The following TBCD variants were observed in gnomAD, a reference collection of about 807,000 sequenced individuals.
The protein encoded by TBCD is tubulin folding cofactor D, also known as tubulin-specific chaperone D.
Under a neutral mutation model 169.3 loss-of-function variants are expected in TBCD, and 105 were observed. That is an observed-to-expected ratio of 0.62 (90% confidence interval 0.53 to 0.73). The LOEUF is 0.73. TBCD is among the 30% of genes least tolerant of loss of function. TBCD has a pLI of 0.00. For missense variants in TBCD, 1,444 were observed against 1,600.1 expected, an observed-to-expected ratio of 0.90 and a Z score of 1.66; for synonymous variants, 700 against 643.9, an observed-to-expected ratio of 1.09 and a Z score of -1.32.
intron 15 of TBCD, among the ~76,000 whole-genome samples, chr17:82,885,932 A>G (rs2058679010): frequency 3.3e-5 from 5 of 152,264 alleles, no homozygotes; most frequent in South Asian, 4.1e-4. Flanking sequence ...ATTGGGAATC[A>G]TTTTTTGGAG....
At chr17:82,816,484 C>G (rs954955433) in intron 13 of TBCD, among the ~76,000 whole-genome samples, 3 of 152,148 alleles carry the variant, frequency 2.0e-5, no homozygotes, top group African/African-American at 7.2e-5. Flanking sequence ...TTTCAAGTTC[C>G]TGCCTGTAGT....
rs1253057697 is a variant in TBCD, at chr17:82,752,258, C to T, written c.65C>T (p.Ala22Val). 1.1e-5 allele frequency: 17 copies of T among 1,522,988 alleles called. No homozygotes were observed. The highest frequency in any genetic ancestry group is 3.6e-5 in the South Asian group (3 of 82,414). The allele number at this position is 1,522,988 out of a possible 1,614,324, so 94.3% of individuals were successfully genotyped here. Residue 22 changes from alanine (A) to valine (V), a missense_variant, in exon 1 of 39, where the codon GCC becomes GTC. Coordinates refer to ENST00000355528, the MANE Select transcript of TBCD (RefSeq NM_005993.5). ...GAGGAGGCGGAGGACGAGACACTGGCCTTTGGCGCGGCGCTGGAAGCGTTC... is the reference window on the plus strand; with the variant it reads ...GAGGAGGCGGAGGACGAGACACTGGTCTTTGGCGCGGCGCTGGAAGCGTTC... ...PEEEAEDETL[A>V]FGAALEAFGE... is the part of the protein sequence containing the mutation.
intron 16 of TBCD, chr17:82,893,107 T>A (rs1266262599): frequency 1.8e-5 from 3 of 171,306 alleles, no homozygotes; most frequent in Non-Finnish European, 2.5e-5. Context: ...GGCGGCTGCA[T>A]CCCCGACCTG....
rs765676218 is a variant in TBCD, at chr17:82,925,019, G to A, written c.2341G>A (p.Ala781Thr). Residue 781 changes from alanine to threonine, a missense_variant, in exon 27 of 39, where the codon GCC becomes ACC. Physicochemically the swap from Ala to Thr is moderately conservative, Grantham distance 58. Coordinates refer to ENST00000355528, the MANE Select transcript of TBCD (RefSeq NM_005993.5). ...TRCGFSLALG[A>T]LPGFLLKGRL... Reference sequence around the variant, plus strand: ...CTGTGGCTTCTCGTTGGCCTTGGGCGCCCTTCCAGGCTTCCTTCTGAAAGG... The same window carrying A: ...CTGTGGCTTCTCGTTGGCCTTGGGCACCCTTCCAGGCTTCCTTCTGAAAGG... The A allele has an allele frequency of 5.1e-6, 8 of 1,567,624 alleles. No homozygotes were observed. Among genetic ancestry groups the A allele is most frequent in the South Asian group, 2.3e-5 (2 of 85,266 alleles).
chr17:82,796,285 A>C (rs2050102986), intron 7 of TBCD, among the ~76,000 whole-genome samples: 2 of 152,248 alleles, frequency 1.3e-5, no homozygotes, highest in African/African-American at 4.8e-5. Flanking sequence ...CCGATGACTT[A>C]GGGTTAAAAC....
chr17:82,863,855 C>T (rs770364038), intron 13 of TBCD, among the ~76,000 whole-genome samples: 1 of 152,172 alleles, frequency 6.6e-6, no homozygotes, highest in Non-Finnish European at 1.5e-5. Flanking sequence ...GAGAGGGTAG[C>T]AGGGGCCCAG....
intron 15 of TBCD, among the ~76,000 whole-genome samples, chr17:82,885,769 C>T (rs896662035): frequency 6.6e-6 from 1 of 152,188 alleles, no homozygotes; most frequent in Non-Finnish European, 1.5e-5. Context: ...TCATTTTTCA[C>T]ATTAAAATCC....
Position 82,777,464 on chromosome 17 carries a change from T to C in TBCD, c.639-4125T>C, listed in dbSNP as rs976328947. Among the ~76,000 whole-genome samples, 4 of 152,218 alleles carry C rather than the reference T, an allele frequency of 2.6e-5. No homozygotes were observed. The South Asian group carries it at 8.3e-4, about 32-fold the overall frequency. On this transcript the variant is annotated intron_variant, in intron 6 of 38. Transcript: ENST00000355528. ...CCCCGAATGCCAGGCTGCACTGATA[T>C]TATTGGATACAAGACAAAGGGGCAG...
rs752587156 is a variant in TBCD, at chr17:82,870,258, C to T, written c.1353C>T (p.Asp451=). Residue 451 remains aspartate (D), a synonymous_variant, in exon 14 of 39, where the codon GAC becomes GAT. Coordinates refer to ENST00000355528, the MANE Select transcript of TBCD (RefSeq NM_005993.5). Reference sequence around the variant, plus strand: ...TGATCCTGAAGGCGCTGACCTACGACGAGAAGCGGGGTGCCTGCAGCGTGG... The same window carrying T: ...TGATCCTGAAGGCGCTGACCTACGATGAGAAGCGGGGTGCCTGCAGCGTGG... ...VAVILKALTY[D]EKRGACSVGT... is the part of the protein sequence containing the mutation. The T allele has an allele frequency of 2.7e-5, 43 of 1,613,342 alleles. No homozygotes were observed. Among genetic ancestry groups the T allele is most frequent in the Admixed American group, 1.0e-4 (6 of 60,018 alleles).
At chr17:82,765,361 G>A (rs1415822255) in intron 3 of TBCD, among the ~76,000 whole-genome samples, 1 of 79,158 alleles carries the variant, frequency 1.3e-5, no homozygotes, top group African/African-American at 7.5e-5. Flanking sequence ...ACAAGCTTGC[G>A]GGTGTCTGCT....
At chr17:82,824,902 A>G (rs1269102710) in intron 13 of TBCD, among the ~76,000 whole-genome samples, 1 of 152,162 alleles carries the variant, frequency 6.6e-6, no homozygotes, top group Non-Finnish European at 1.5e-5. Context: ...AAGTCGGATC[A>G]TGCATAAATG....
intron 13 of TBCD, among the ~76,000 whole-genome samples, chr17:82,854,468 C>T (rs760761117): frequency 2.6e-5 from 4 of 152,212 alleles, no homozygotes; most frequent in Non-Finnish European, 4.4e-5. Context: ...CTGTGCGCAC[C>T]GCTCGTGTGT....
At chr17:82,914,565 CAT>C (rs1445466652) in intron 23 of TBCD, among the ~76,000 whole-genome samples, 4 of 152,212 alleles carry the variant, frequency 2.6e-5, no homozygotes, top group African/African-American at 9.7e-5. Flanking sequence ...CACTCCTGCA[CAT>C]GTCGCCTCGC....
intron 14 of TBCD, among the ~76,000 whole-genome samples, chr17:82,879,540 G>T (rs1451489512): frequency 6.7e-6 from 1 of 149,538 alleles, no homozygotes; most frequent in African/African-American, 2.4e-5. Context: ...AGCCCTTCTG[G>T]TGCTGCTGGT....
chr17:82,917,013 TC>T (rs1231649331), intron 23 of TBCD, among the ~76,000 whole-genome samples: 2 of 47,000 alleles, frequency 4.3e-5, no homozygotes, highest in African/African-American at 1.3e-4. Flanking sequence ...CTTTTTTTTT[TC>T]TTTTCTTTTC....
At chr17:82,830,137 C>T (rs909560537) in intron 13 of TBCD, 9 of 1,613,266 alleles carry the variant, frequency 5.6e-6, no homozygotes, top group South Asian at 2.2e-5. Context: ...CGTGTGAACC[C>T]GGCGTTAGGA....
intron 13 of TBCD, among the ~76,000 whole-genome samples, chr17:82,843,298 TTACTTA>T: frequency 8.7e-6 from 1 of 114,422 alleles, no homozygotes; most frequent in African/African-American, 3.1e-5. Context: ...CCTGTCCAGC[TTACTTA>T]CCCTTCCCTT....
intron 15 of TBCD, among the ~76,000 whole-genome samples, chr17:82,887,050 A>G (rs1377913869): frequency 6.6e-6 from 1 of 151,910 alleles, no homozygotes; most frequent in African/African-American, 2.4e-5. Context: ...AAATCTGGCA[A>G]AACCGCAATG....
chr17:82,774,482 C>G (rs958292762), intron 6 of TBCD, among the ~76,000 whole-genome samples: 4 of 152,246 alleles, frequency 2.6e-5, no homozygotes, highest in African/African-American at 9.6e-5. Flanking sequence ...ACTGATGTCT[C>G]TTTCTTTTCC....
Sources: gnomAD v4.1 joint callset for allele counts (sites outside exome capture counted in the v4.1 genomes callset) on GRCh38, gnomAD v4.1.1 for gene constraint, MANE v1.5 for transcripts, NCBI Gene and HGNC (gene_info 2026-07-23, HGNC 2026-07-21) for gene names.